The following ZNF385D variants were observed in gnomAD, a reference collection of about 807,000 sequenced individuals.
ZNF385D encodes zinc finger protein 659.
A neutral mutation model predicts 35.8 loss-of-function variants in ZNF385D; 15 were observed. The observed-to-expected ratio is 0.42, with a 90% CI of 0.28 to 0.64. The LOEUF (loss-of-function observed/expected upper bound fraction) is 0.64, where lower values mean the gene tolerates loss of function less well. Ranked by LOEUF, ZNF385D falls within the 30% of genes least tolerant of loss-of-function variation. The pLI, the probability that ZNF385D is intolerant of heterozygous loss-of-function variation, is 0.23. For missense variants in ZNF385D, 474 were observed against 494.6 expected (o/e 0.96, Z 0.39); for synonymous variants, 212 against 186.8 (o/e 1.13, Z -1.10).
intron 1 of ZNF385D, among the ~76,000 whole-genome samples, chr3:21,700,011 T>G (rs1047928978): frequency 7.2e-5 from 11 of 152,132 alleles, no homozygotes; most frequent in Admixed American, 4.6e-4. Flanking sequence ...TTTGTATTTT[T>G]AGTAGAGACA....
At chr3:22,247,781 T>A (rs1699864698) in intron 2 of ZNF385D, among the ~76,000 whole-genome samples, 1 of 152,006 alleles carries the variant, frequency 6.6e-6, no homozygotes, top group South Asian at 2.1e-4. Flanking sequence ...ATTTTTGTAC[T>A]TTTAGTAGAG....
chr3:21,475,776 A>T (rs947097672), intron 4 of ZNF385D, among the ~76,000 whole-genome samples: 1 of 152,162 alleles, frequency 6.6e-6, no homozygotes, highest in African/African-American at 2.4e-5. Context: ...TAAGGCAGGG[A>T]AGATTATATT....
At chr3:22,128,733 C>G (rs1435291425) in intron 3 of ZNF385D, among the ~76,000 whole-genome samples, 1 of 152,036 alleles carries the variant, frequency 6.6e-6, no homozygotes, top group African/African-American at 2.4e-5. Context: ...TCCAGAATTT[C>G]TGCTTGATTC....
intron 3 of ZNF385D, among the ~76,000 whole-genome samples, chr3:21,887,457 T>G (rs1275708437): frequency 6.6e-6 from 1 of 152,170 alleles, no homozygotes; most frequent in Non-Finnish European, 1.5e-5. Context: ...GTTTTCTAAG[T>G]CTAGCAGATG....
chr3:21,461,744 T>C (rs938773289), intron 4 of ZNF385D, among the ~76,000 whole-genome samples: 2 of 152,238 alleles, frequency 1.3e-5, no homozygotes, highest in African/African-American at 4.8e-5. Flanking sequence ...TTTGAAATCA[T>C]ACACTATCAA....
chr3:21,791,803 C>G (rs895366842), intron 3 of ZNF385D, among the ~76,000 whole-genome samples: 1 of 152,132 alleles, frequency 6.6e-6, no homozygotes, highest in South Asian at 2.1e-4. Context: ...GGCGCGATCT[C>G]GGCTCACTGC....
At chr3:21,876,300 AGG>A (rs1351492698) in intron 3 of ZNF385D, among the ~76,000 whole-genome samples, 2 of 151,496 alleles carry the variant, frequency 1.3e-5, no homozygotes, top group Non-Finnish European at 2.9e-5. Context: ...CTTATCTATT[AGG>A]GGTGCCTCAG....
intron 2 of ZNF385D, among the ~76,000 whole-genome samples, chr3:21,598,790 G>T (rs918595536): frequency 6.6e-6 from 1 of 152,150 alleles, no homozygotes; most frequent in African/African-American, 2.4e-5. Flanking sequence ...TGAGTTTCAC[G>T]ACATATGTTC....
At chr3:21,455,748 TTAAAC>T (rs1230440028) in intron 4 of ZNF385D, among the ~76,000 whole-genome samples, 2 of 152,216 alleles carry the variant, frequency 1.3e-5, no homozygotes, top group Admixed American at 1.3e-4. Context: ...TGGGACCTAA[TTAAAC>T]TAAAGAGCTT....
intron 2 of ZNF385D, among the ~76,000 whole-genome samples, chr3:22,192,017 G>A (rs1429622039): frequency 6.6e-6 from 1 of 151,530 alleles, no homozygotes; most frequent in Non-Finnish European, 1.5e-5. Context: ...GATTTTTTTC[G>A]GCCCATCTAC....
chr3:22,281,644 A>AT (rs368480797), intron 2 of ZNF385D, among the ~76,000 whole-genome samples: 2,996 of 148,046 alleles, frequency 0.02, 43 homozygotes, highest in African/African-American at 0.03. Flanking sequence ...GTTAGCTAGC[A>AT]TTTTTTTTTT....
intron 2 of ZNF385D, among the ~76,000 whole-genome samples, chr3:22,181,849 T>A (rs2125780387): frequency 6.6e-6 from 1 of 152,350 alleles, no homozygotes; most frequent in South Asian, 2.1e-4. Context: ...GTCTTACATT[T>A]CACTTCTACA....
At chr3:21,599,251 G>C (rs73033387) in intron 2 of ZNF385D, among the ~76,000 whole-genome samples, 2 of 152,192 alleles carry the variant, frequency 1.3e-5, no homozygotes, top group Non-Finnish European at 2.9e-5. Context: ...AGTTGAAAAA[G>C]GATTCCAGAA....
intron 3 of ZNF385D, among the ~76,000 whole-genome samples, chr3:22,058,052 T>C (rs1699500036): frequency 6.6e-6 from 1 of 152,178 alleles, no homozygotes; most frequent in Non-Finnish European, 1.5e-5. Flanking sequence ...AAAACAATTC[T>C]TGTTGGCTAT....
intron 3 of ZNF385D, among the ~76,000 whole-genome samples, chr3:21,775,656 G>C (rs1160333832): frequency 6.6e-6 from 1 of 151,736 alleles, no homozygotes; most frequent in Admixed American, 6.6e-5. Flanking sequence ...CTCCTTCATA[G>C]ATGTTTGTTG....
chr3:22,100,831 A>T (rs182121487), intron 3 of ZNF385D, among the ~76,000 whole-genome samples: 6 of 152,072 alleles, frequency 3.9e-5, no homozygotes, highest in Admixed American at 2.6e-4. Context: ...CTTAAAGTAT[A>T]ATAATATTAA....
intron 1 of ZNF385D, among the ~76,000 whole-genome samples, chr3:21,669,237 AT>A (rs1039086093): frequency 2.0e-5 from 3 of 152,228 alleles, no homozygotes; most frequent in South Asian, 2.1e-4. Context: ...TGACAAAAGC[AT>A]TTATTAGTAC....
At chr3:21,947,252 G>A (rs1471944667) in intron 3 of ZNF385D, among the ~76,000 whole-genome samples, 2 of 152,134 alleles carry the variant, frequency 1.3e-5, no homozygotes, top group African/African-American at 2.4e-5. Context: ...TATATTTTGA[G>A]TTGCTTATAT....
At chr3:22,158,679 T>TAC (rs141782698) in intron 3 of ZNF385D, among the ~76,000 whole-genome samples, 33 of 149,830 alleles carry the variant, frequency 2.2e-4, no homozygotes, top group South Asian at 4.2e-4. Context: ...CACACACACA[T>TAC]ACACACACAC....
Sources: allele counts gnomAD v4.1 joint callset (sites outside exome capture counted in the v4.1 genomes callset), GRCh38; gene constraint gnomAD v4.1.1; transcripts MANE v1.5; gene names NCBI Gene and HGNC (gene_info 2026-07-23, HGNC 2026-07-21).